RANBP2: variants seen among roughly 807,000 people sequenced by gnomAD.
RANBP2 encodes RAN binding protein 2.
RANBP2 carries 57 observed loss-of-function variants against 303.6 expected under a neutral mutation model. That is an observed-to-expected ratio of 0.19 (90% CI 0.15 to 0.23). RANBP2 has a LOEUF of 0.23. Ranked by LOEUF, RANBP2 falls within the 10% of genes least tolerant of loss-of-function variation. The pLI, the probability that RANBP2 is intolerant of heterozygous loss-of-function variation, is 1.00. For synonymous variants in RANBP2, 1,167 were observed against 1,301.5 expected (o/e 0.90, Z 2.23); for missense variants, 3,138 against 3,780.8 (o/e 0.83, Z 4.46).
chr2:109,006,268 G>A, the RANBP2 span, among the ~76,000 whole-genome samples: 3 of 151,638 alleles, frequency 2.0e-5, no homozygotes, highest in Non-Finnish European at 2.9e-5. Flanking sequence ...ATCTCGGCTC[G>A]CTGCAACCTC....
chr2:109,206,000 C>A, the RANBP2 span, among the ~76,000 whole-genome samples: 1 of 152,182 alleles, frequency 6.6e-6, no homozygotes, highest in African/African-American at 2.4e-5. Context: ...GTTTCAAGGC[C>A]AAGTAGTAGT....
At chr2:109,194,323 T>G in the RANBP2 span, among the ~76,000 whole-genome samples, 1 of 152,250 alleles carries the variant, frequency 6.6e-6, no homozygotes, top group African/African-American at 2.4e-5. Flanking sequence ...AAGCTTGGGC[T>G]GCGGTGTCCC....
the RANBP2 span, among the ~76,000 whole-genome samples, chr2:109,286,986 G>T: frequency 6.6e-6 from 1 of 152,204 alleles, no homozygotes; most frequent in African/African-American, 2.4e-5. Flanking sequence ...TGGCAGCACT[G>T]AAATGGGACG....
chr2:109,534,952 G>A, the RANBP2 span, among the ~76,000 whole-genome samples: 1 of 152,166 alleles, frequency 6.6e-6, no homozygotes, highest in Non-Finnish European at 1.5e-5. Context: ...TGTGAGTGCA[G>A]GACATCTGCA....
the RANBP2 span, chr2:109,574,506 C>T: frequency 7.4e-6 from 6 of 814,402 alleles, no homozygotes; most frequent in African/African-American, 3.6e-5. Context: ...CAATATATAT[C>T]CATATTGTAA....
chr2:108,835,302 C>T, the RANBP2 span, among the ~76,000 whole-genome samples: 2 of 152,150 alleles, frequency 1.3e-5, no homozygotes, highest in South Asian at 2.1e-4. Flanking sequence ...CAAAACTGTT[C>T]AATGATTGAG....
chr2:109,363,270 A>G, the RANBP2 span, among the ~76,000 whole-genome samples: 1 of 152,040 alleles, frequency 6.6e-6, no homozygotes, highest in African/African-American at 2.4e-5. Flanking sequence ...GGAGTCTGCA[A>G]TATTCATTTA....
the RANBP2 span, among the ~76,000 whole-genome samples, chr2:109,258,620 G>A: frequency 6.6e-6 from 1 of 152,240 alleles, no homozygotes; most frequent in Non-Finnish European, 1.5e-5. Context: ...AGCTGGCTGT[G>A]CTCCTAACAT....
chr2:108,818,443 G>T, the RANBP2 span, among the ~76,000 whole-genome samples: 2 of 152,160 alleles, frequency 1.3e-5, no homozygotes, highest in Non-Finnish European at 2.9e-5. Flanking sequence ...CTGTTGACAT[G>T]TTCAGGATTT....
the RANBP2 span, among the ~76,000 whole-genome samples, chr2:109,365,384 C>T: frequency 4.6e-5 from 7 of 152,208 alleles, no homozygotes; most frequent in African/African-American, 9.7e-5. Flanking sequence ...CTGCTTCCCA[C>T]GGAGGCTGCT....
chr2:109,498,924 G>C, the RANBP2 span, among the ~76,000 whole-genome samples: 1 of 152,204 alleles, frequency 6.6e-6, no homozygotes, highest in Non-Finnish European at 1.5e-5. Context: ...GGGTGCACCT[G>C]GGGTCGCTAG....
At chr2:109,182,012 T>A in the RANBP2 span, among the ~76,000 whole-genome samples, 1 of 152,202 alleles carries the variant, frequency 6.6e-6, no homozygotes, top group Non-Finnish European at 1.5e-5. Context: ...AGCCTGATTT[T>A]GAACTTCAAA....
chr2:109,170,316 CCTCT>C, the RANBP2 span, among the ~76,000 whole-genome samples: 6,459 of 135,808 alleles, frequency 0.048, 444 homozygotes, highest in East Asian at 0.33. Flanking sequence ...TCTCTTCTCT[CCTCT>C]CTCTCTCTCC....
chr2:108,983,824 C>T, the RANBP2 span, among the ~76,000 whole-genome samples: 4 of 152,176 alleles, frequency 2.6e-5, no homozygotes, highest in Admixed American at 6.5e-5. Context: ...TCTCTGAACC[C>T]GTTCTCCAAC....
chr2:109,308,286 T>A, the RANBP2 span, among the ~76,000 whole-genome samples: 1 of 124,882 alleles, frequency 8.0e-6, no homozygotes, highest in Non-Finnish European at 1.6e-5. Context: ...TTTTTTCTTG[T>A]AAATTTGTTT....
the RANBP2 span, among the ~76,000 whole-genome samples, chr2:109,274,577 T>C: frequency 6.6e-6 from 1 of 152,154 alleles, no homozygotes; most frequent in East Asian, 1.9e-4. Flanking sequence ...GTATCCAGAA[T>C]AGGTAAATCC....
At chr2:109,122,254 G>C in the RANBP2 span, among the ~76,000 whole-genome samples, 1 of 152,224 alleles carries the variant, frequency 6.6e-6, no homozygotes, top group African/African-American at 2.4e-5. Context: ...TTTGCGGGCA[G>C]GTAGTTTATT....
At chr2:109,565,726 T>C in the RANBP2 span, 178 of 1,491,044 alleles carry the variant, frequency 1.2e-4, no homozygotes, top group Admixed American at 2.7e-4. Flanking sequence ...GATTACTAGA[T>C]AGATACATAT....
chr2:108,838,149 A>T, the RANBP2 span, among the ~76,000 whole-genome samples: 1 of 152,058 alleles, frequency 6.6e-6, no homozygotes, highest in African/African-American at 2.4e-5. Context: ...GCCTCCTGGG[A>T]TACAAGGGCC....
Sources: gnomAD v4.1 joint callset for allele counts (sites outside exome capture counted in the v4.1 genomes callset) on GRCh38, gnomAD v4.1.1 for gene constraint, MANE v1.5 for transcripts, NCBI Gene and HGNC (gene_info 2026-07-23, HGNC 2026-07-21) for gene names.